The following EXOC4 variants were observed in gnomAD, a reference collection of about 807,000 sequenced individuals.
The protein encoded by EXOC4 is SEC8-like 1.
Under a neutral mutation model 107.2 loss-of-function variants are expected in EXOC4, and 71 were observed. The observed-to-expected ratio is 0.66, with a 90% confidence interval of 0.55 to 0.81. The LOEUF is 0.81. Ranked by LOEUF, EXOC4 falls within the 30% of genes least tolerant of loss-of-function variation. The probability of loss-of-function intolerance (pLI) is 0.00; values close to 1 mark genes in which losing one functional copy is unlikely to be tolerated. For synonymous variants in EXOC4, 456 were observed against 441.2 expected, an observed-to-expected ratio of 1.03 and a Z score of -0.42; for missense variants, 1,108 against 1,189.6, an observed-to-expected ratio of 0.93 and a Z score of 1.01.
intron 7 of EXOC4, among the ~76,000 whole-genome samples, chr7:133,466,556 TA>T (rs1798733005): frequency 6.6e-6 from 1 of 152,110 alleles, no homozygotes; most frequent in Non-Finnish European, 1.5e-5. Flanking sequence ...AATTAGTAAT[TA>T]AAAATTTTCC....
At chr7:133,941,284 A>G (rs956295364) in intron 14 of EXOC4, among the ~76,000 whole-genome samples, 15 of 152,266 alleles carry the variant, frequency 9.9e-5, no homozygotes, top group Admixed American at 9.1e-4. Flanking sequence ...GGCATGAGCC[A>G]CTGCGCCTGG....
intron 11 of EXOC4, among the ~76,000 whole-genome samples, chr7:133,832,449 C>T (rs1352539455): frequency 2.0e-5 from 3 of 152,210 alleles, no homozygotes; most frequent in African/African-American, 7.2e-5. Flanking sequence ...TCCCATGCTT[C>T]ACCTATTCAA....
rs577793349 is a variant in EXOC4 at position 133,258,703 on chromosome 7, C to T, written c.86+5516C>T. On this transcript the variant is annotated intron_variant, in intron 1 of 17. Transcript: ENST00000253861. ...ACCAGGCTATAATGTTAATTTTCCA[C>T]CAGAAATAACCTTGACGCGTTGACT... is the stretch of plus-strand genomic sequence containing the variant. 2.3e-4 allele frequency among the ~76,000 whole-genome samples: 35 copies of T among 152,150 alleles called. 1 individual carries two copies. The highest frequency in any genetic ancestry group is 1.7e-3 in the South Asian group (8 of 4,822).
At chr7:133,919,050 G>C (rs1376798234) in intron 13 of EXOC4, among the ~76,000 whole-genome samples, 1 of 152,110 alleles carries the variant, frequency 6.6e-6, no homozygotes, top group East Asian at 1.9e-4. Context: ...AAAATTTTCT[G>C]TAGCATCATG....
intron 14 of EXOC4, among the ~76,000 whole-genome samples, chr7:133,982,431 A>G (rs1049013838): frequency 6.6e-6 from 1 of 152,144 alleles, no homozygotes; most frequent in African/African-American, 2.4e-5. Flanking sequence ...GGGTGCTTGT[A>G]GTCCCAGCTA....
intron 12 of EXOC4, among the ~76,000 whole-genome samples, chr7:133,901,908 C>G (rs1799459845): frequency 6.6e-6 from 1 of 152,168 alleles, no homozygotes; most frequent in Admixed American, 6.6e-5. Context: ...GGACCCACTT[C>G]TCCCAACTGA....
intron 9 of EXOC4, among the ~76,000 whole-genome samples, chr7:133,602,616 C>A (rs1801835336): frequency 6.6e-6 from 1 of 152,184 alleles, no homozygotes; most frequent in Non-Finnish European, 1.5e-5. Context: ...AAGCCTAATT[C>A]ATCTGTGATT....
At position 133,563,779 on chromosome 7, in the gene EXOC4, C is replaced by T. The variant is rs992638634; in HGVS notation, c.1418-66266C>T. On this transcript the variant is annotated intron_variant, in intron 9 of 17. Transcript: ENST00000253861. ...CTTTAAAACATACAATTCAAATATA[C>T]GTGCTTATACTTTTACGTGAATTAC... 4.6e-5 allele frequency among the ~76,000 whole-genome samples: 7 copies of T among 152,170 alleles called. No homozygotes were observed. In the East Asian group the frequency reaches 5.8e-4, roughly 13 times the overall value.
chr7:133,493,353 C>T (rs2150877410), intron 9 of EXOC4, among the ~76,000 whole-genome samples: 1 of 152,304 alleles, frequency 6.6e-6, no homozygotes. Flanking sequence ...AGGAGAATTA[C>T]GTGAACCCAG....
intron 7 of EXOC4, among the ~76,000 whole-genome samples, chr7:133,453,476 A>T (rs1244584704): frequency 6.6e-6 from 1 of 152,194 alleles, no homozygotes; most frequent in African/African-American, 2.4e-5. Flanking sequence ...GAAAATGTGT[A>T]TTGAAAAATT....
At chr7:133,964,671 TGTCTG>T (rs1278853867) in intron 14 of EXOC4, among the ~76,000 whole-genome samples, 2 of 152,208 alleles carry the variant, frequency 1.3e-5, no homozygotes, top group East Asian at 3.8e-4. Flanking sequence ...TCCTTTTTTA[TGTCTG>T]TGTAGTATTC....
At chr7:133,950,993 A>G (rs566532768) in intron 14 of EXOC4, among the ~76,000 whole-genome samples, 1 of 152,186 alleles carries the variant, frequency 6.6e-6, no homozygotes, top group Non-Finnish European at 1.5e-5. Flanking sequence ...AAACACCCCC[A>G]CAAAAAGGTT....
intron 11 of EXOC4, among the ~76,000 whole-genome samples, chr7:133,847,779 G>A (rs1043466631): frequency 2.6e-5 from 4 of 151,538 alleles, no homozygotes; most frequent in Non-Finnish European, 5.9e-5. Flanking sequence ...CATGATCTCG[G>A]CTCACTGCAA....
intron 17 of EXOC4, among the ~76,000 whole-genome samples, chr7:134,051,297 A>G (rs1795781213): frequency 6.6e-6 from 1 of 152,254 alleles, no homozygotes; most frequent in African/African-American, 2.4e-5. Flanking sequence ...ACTGGCAGGA[A>G]CACCTGCAGC....
intron 7 of EXOC4, among the ~76,000 whole-genome samples, chr7:133,463,666 A>C (rs1436372224): frequency 3.7e-4 from 57 of 152,156 alleles, no homozygotes; most frequent in Non-Finnish European, 1.0e-4. Flanking sequence ...ACTAATACTC[A>C]AGTAGTTAGG....
chr7:133,280,001 A>G (rs1208151550), intron 2 of EXOC4, among the ~76,000 whole-genome samples: 2 of 152,056 alleles, frequency 1.3e-5, no homozygotes, highest in Non-Finnish European at 2.9e-5. Flanking sequence ...TCTGTTGTCC[A>G]GGTTGGAGTG....
chr7:133,522,075 T>C (rs1799991972), intron 9 of EXOC4, among the ~76,000 whole-genome samples: 1 of 152,160 alleles, frequency 6.6e-6, no homozygotes, highest in Non-Finnish European at 1.5e-5. Flanking sequence ...ATTTGTCCTC[T>C]TCAAACATTT....
intron 6 of EXOC4, 92 bp from the exon 7 acceptor site, chr7:133,374,736 A>G (rs1796449520): frequency 2.0e-6 from 2 of 990,902 alleles, no homozygotes; most frequent in Non-Finnish European, 3.0e-6. Flanking sequence ...GTAGAATGCT[A>G]CTTTAGTTTG....
At chr7:133,578,773 C>A (rs540320434) in intron 9 of EXOC4, among the ~76,000 whole-genome samples, 2 of 152,212 alleles carry the variant, frequency 1.3e-5, no homozygotes, top group African/African-American at 4.8e-5. Flanking sequence ...AGAAACAAAT[C>A]TTTAATAGTG....
Sources: allele counts gnomAD v4.1 joint callset (sites outside exome capture counted in the v4.1 genomes callset), GRCh38; gene constraint gnomAD v4.1.1; transcripts MANE v1.5; gene names NCBI Gene and HGNC (gene_info 2026-07-23, HGNC 2026-07-21).